MYO1E: variants seen among roughly 807,000 people sequenced by gnomAD.
MYO1E encodes the protein unconventional myosin-Ie.
A neutral mutation model predicts 151.1 loss-of-function variants in MYO1E; 68 were observed. The ratio of observed to expected loss-of-function variants is 0.45; its 90% confidence interval spans 0.37 to 0.55. MYO1E has a LOEUF of 0.55. MYO1E is among the 20% of genes least tolerant of loss of function. The pLI is 0.00. For synonymous variants in MYO1E, 601 were observed against 501.7 expected, an observed-to-expected ratio of 1.20 and a Z score of -2.64; for missense variants, 1,363 against 1,389.3, an observed-to-expected ratio of 0.98 and a Z score of 0.30.
intron 26 of MYO1E, among the ~76,000 whole-genome samples, chr15:59,151,864 A>G (rs993027661): frequency 5.3e-5 from 8 of 151,738 alleles, no homozygotes; most frequent in African/African-American, 1.2e-4. Flanking sequence ...TGGCCAACAC[A>G]GTGAAACTCT....
chr15:59,257,503 T>C (rs1238544946), intron 3 of MYO1E, among the ~76,000 whole-genome samples: 2 of 151,984 alleles, frequency 1.3e-5, no homozygotes, highest in African/African-American at 2.4e-5. Flanking sequence ...CAGAGTGATA[T>C]ACAAAGGTGA....
Position 59,214,655 on chromosome 15 carries a change from G to A in MYO1E, c.1173C>T (p.Gly391=), listed in dbSNP as rs540260977. 7 of 1,612,864 alleles carry A rather than the reference G, an allele frequency of 4.3e-6. No individual in the cohort carries two copies. The South Asian group carries it at 6.6e-5, about 15-fold the overall frequency. Residue 391 remains glycine (G), a synonymous_variant, in exon 11 of 28, where the codon GGC becomes GGT. Coordinates refer to ENST00000288235, the MANE Select transcript of MYO1E (RefSeq NM_004998.4). ...EYNIGVLDIY[G]FEIFQKNGFE... is the part of the protein sequence containing the mutation. ...CTGGCCTTACCTGGAATATTTCAAA[G>A]CCATAGATGTCTAGGACGCCAATGT... is the stretch of plus-strand genomic sequence containing the variant.
rs755470049 is a variant in MYO1E, at chr15:59,297,437, AT to A, written c.4-24989del. The stretch of plus-strand genomic sequence containing the variant: ...AGGTACGCACCACCACACCCAGCTA[AT>A]TTTTTTTTTTTTTTTTTTTTTTTAG... On this transcript the variant is annotated intron_variant, in intron 1 of 27. Coordinates refer to ENST00000288235, the MANE Select transcript of MYO1E (RefSeq NM_004998.4). Among the ~76,000 whole-genome samples the A allele has an allele frequency of 4.6e-3, 292 of 63,476 alleles. 2 individuals carry two copies. The highest frequency in any genetic ancestry group is 0.02 in the East Asian group (46 of 2,304). The allele number at this position is 63,476 out of a possible 152,430, so 41.6% of individuals were successfully genotyped here.
chr15:59,291,120 A>C (rs1467845507), intron 1 of MYO1E, among the ~76,000 whole-genome samples: 1 of 152,226 alleles, frequency 6.6e-6, no homozygotes, highest in Non-Finnish European at 1.5e-5. Flanking sequence ...TATCTGCAAA[A>C]ACATTTGCAT....
At chr15:59,175,337 T>G (rs2079618227) in intron 19 of MYO1E, among the ~76,000 whole-genome samples, 1 of 152,244 alleles carries the variant, frequency 6.6e-6, no homozygotes, top group South Asian at 2.1e-4. Flanking sequence ...GTAAAGATGA[T>G]GAACAGTCAT....
intron 1 of MYO1E, among the ~76,000 whole-genome samples, chr15:59,296,844 T>C (rs1399606249): frequency 6.1e-5 from 9 of 147,804 alleles, no homozygotes; most frequent in East Asian, 1.9e-4. Flanking sequence ...TTTTTCTTTT[T>C]TTTTTTTTTT....
chr15:59,233,331 G>A lies in MYO1E; in HGVS notation c.421-1540C>T, dbSNP rs866860366. On this transcript the variant is annotated intron_variant, in intron 5 of 27. Transcript: ENST00000288235. ...TCAACAGAATTTTGTGGCATGTGGC[G>A]GGCATATTAGGGAAAAGAGAAAGAG... is the stretch of plus-strand genomic sequence containing the variant. Among the ~76,000 whole-genome samples the A allele has an allele frequency of 4.3e-4, 65 of 152,108 alleles. No homozygotes were observed. In the Middle Eastern group the frequency reaches 0.027, roughly 64 times the overall value.
intron 23 of MYO1E, among the ~76,000 whole-genome samples, chr15:59,162,866 G>T (rs1264939975): frequency 6.6e-6 from 1 of 151,848 alleles, no homozygotes; most frequent in Non-Finnish European, 1.5e-5. Flanking sequence ...CCCTTTTTTG[G>T]GTGATACATA....
At chr15:59,300,530 C>T (rs184032352) in intron 1 of MYO1E, among the ~76,000 whole-genome samples, 43 of 152,312 alleles carry the variant, frequency 2.8e-4, no homozygotes, top group African/African-American at 9.4e-4. Flanking sequence ...ATTCTCAGAC[C>T]TAAGCACAAG....
At chr15:59,239,458 C>T (rs867571913) in intron 4 of MYO1E, among the ~76,000 whole-genome samples, 1 of 150,890 alleles carries the variant, frequency 6.6e-6, no homozygotes, top group Non-Finnish European at 1.5e-5. Context: ...GTGAGCAAAC[C>T]CTATAAGAAT....
At chr15:59,213,488 T>C (rs2079893714) in intron 12 of MYO1E, among the ~76,000 whole-genome samples, 1 of 149,982 alleles carries the variant, frequency 6.7e-6, no homozygotes. Context: ...ATTTTTGAGA[T>C]AGAGTCTTGC....
chr15:59,240,390 G>C (rs948270082), intron 4 of MYO1E, among the ~76,000 whole-genome samples: 8 of 152,120 alleles, frequency 5.3e-5, no homozygotes, highest in Non-Finnish European at 1.5e-5. Context: ...GTGTGTGGGG[G>C]GGGTCTGTGT....
intron 1 of MYO1E, among the ~76,000 whole-genome samples, chr15:59,356,886 T>TG (rs1238174409): frequency 6.1e-5 from 6 of 98,504 alleles, no homozygotes; most frequent in Admixed American, 2.4e-4. Context: ...TAAGTTTTTT[T>TG]TTTTGTTTGT....
Position 59,363,199 on chromosome 15 carries a change from G to A in MYO1E, c.3+9299C>T, listed in dbSNP as rs375051016. Among the ~76,000 whole-genome samples, 90 of 152,116 alleles carry A rather than the reference G, an allele frequency of 5.9e-4. 1 individual carries two copies. The East Asian group carries it at 0.016, about 27-fold the overall frequency. Reference sequence around the variant, plus strand: ...TCACCATGTTAGCCAGGATGGTCTCGATCTCCTGACCTCGTGATCCACCCG... The same window carrying A: ...TCACCATGTTAGCCAGGATGGTCTCAATCTCCTGACCTCGTGATCCACCCG... On this transcript the variant is annotated intron_variant, in intron 1 of 27. Coordinates refer to ENST00000288235, the MANE Select transcript of MYO1E (RefSeq NM_004998.4).
chr15:59,343,919 T>C (rs2080779730), intron 1 of MYO1E, among the ~76,000 whole-genome samples: 2 of 152,234 alleles, frequency 1.3e-5, no homozygotes, highest in African/African-American at 2.4e-5. Context: ...TCCTCCTCTG[T>C]GTTACCTTGA....
intron 1 of MYO1E, among the ~76,000 whole-genome samples, chr15:59,279,522 C>T (rs1389597769): frequency 1.3e-5 from 2 of 152,176 alleles, no homozygotes; most frequent in African/African-American, 2.4e-5. Flanking sequence ...GACCCTGTGC[C>T]ACTTAGCCAT....
chr15:59,355,911 G>T (rs964946823), intron 1 of MYO1E, among the ~76,000 whole-genome samples: 2 of 152,032 alleles, frequency 1.3e-5, no homozygotes, highest in Non-Finnish European at 2.9e-5. Flanking sequence ...TAGAGACGGG[G>T]TCTCACAATG....
intron 1 of MYO1E, among the ~76,000 whole-genome samples, chr15:59,360,954 T>C (rs2080881581): frequency 6.6e-6 from 1 of 152,232 alleles, no homozygotes; most frequent in Admixed American, 6.5e-5. Flanking sequence ...ACAGTGTGAC[T>C]TGCTTCAGCC....
chr15:59,161,275 G>C (rs752476708), intron 23 of MYO1E, 45 bp from the exon 24 acceptor site: 3 of 1,600,016 alleles, frequency 1.9e-6, no homozygotes, highest in Admixed American at 1.7e-5. Context: ...GACGCAGTGA[G>C]AAAACGGTGC....
Sources: allele counts gnomAD v4.1 joint callset (sites outside exome capture counted in the v4.1 genomes callset), GRCh38; gene constraint gnomAD v4.1.1; transcripts MANE v1.5; gene names NCBI Gene and HGNC (gene_info 2026-07-23, HGNC 2026-07-21).